The following RUNX2 variants were observed in gnomAD, a reference collection of about 807,000 sequenced individuals.
RUNX2 encodes runt-related transcription factor 2.
In RUNX2, 10 loss-of-function variants were observed where a neutral mutation model predicts 51.7. The ratio of observed to expected loss-of-function variants is 0.19; its 90% confidence interval spans 0.12 to 0.33. RUNX2 has a LOEUF of 0.33. Ranked by LOEUF, RUNX2 falls within the 10% of genes least tolerant of loss-of-function variation. RUNX2 has a pLI of 1.00. For synonymous variants in RUNX2, 276 were observed against 273.6 expected, an observed-to-expected ratio of 1.01 and a Z score of -0.09; for missense variants, 562 against 691.3, an observed-to-expected ratio of 0.81 and a Z score of 2.10.
intron 7 of RUNX2, among the ~76,000 whole-genome samples, chr6:45,520,128 G>T (rs899582049): frequency 6.6e-6 from 1 of 151,862 alleles, no homozygotes; most frequent in African/African-American, 2.4e-5. Flanking sequence ...CACTGCACCC[G>T]ACCGGATGCT....
At chr6:45,470,521 A>G (rs1799766554) in intron 5 of RUNX2, among the ~76,000 whole-genome samples, 1 of 152,212 alleles carries the variant, frequency 6.6e-6, no homozygotes, top group African/African-American at 2.4e-5. Context: ...GTGTATGATA[A>G]ATGTCACATG....
intron 2 of RUNX2, among the ~76,000 whole-genome samples, chr6:45,413,261 T>A (rs904931401): frequency 3.3e-5 from 5 of 152,086 alleles, no homozygotes; most frequent in African/African-American, 1.2e-4. Context: ...TCTACTTCTT[T>A]AAAATTACAT....
intron 3 of RUNX2, among the ~76,000 whole-genome samples, chr6:45,424,609 C>A (rs1345452424): frequency 1.3e-5 from 2 of 152,108 alleles, no homozygotes; most frequent in Middle Eastern, 3.2e-3. Context: ...CAAACTCCCA[C>A]GGGCCACTGA....
At chr6:45,542,519 A>G (rs1191308710) in intron 7 of RUNX2, among the ~76,000 whole-genome samples, 1 of 152,172 alleles carries the variant, frequency 6.6e-6, no homozygotes, top group Non-Finnish European at 1.5e-5. Flanking sequence ...TCCTAAGGGG[A>G]TCATACCCTT....
intron 7 of RUNX2, 94 bp downstream of exon 7, chr6:45,512,501 T>A: frequency 3.7e-6 from 5 of 1,368,330 alleles, no homozygotes; most frequent in Non-Finnish European, 5.1e-6. Context: ...TCACAGTGAC[T>A]CTCTATTAGA....
rs1786852344 is a variant in RUNX2 at position 45,328,707 on chromosome 6, TG to T, written c.-19del. Reference sequence around the variant, plus strand: ...TACAACAGAGGGTACAAGTTCTATCTGAAAAAAAAAGGAGGGACTATGGCAT... The same window carrying T: ...TACAACAGAGGGTACAAGTTCTATCTAAAAAAAAAGGAGGGACTATGGCAT... On this transcript the variant is annotated 5_prime_UTR_variant, in exon 2 of 9. Coordinates refer to ENST00000647337, the MANE Select transcript of RUNX2 (RefSeq NM_001024630.4). 3 of 1,611,662 alleles carry T rather than the reference TG, an allele frequency of 1.9e-6. No homozygotes were observed. The highest frequency in any genetic ancestry group is 2.7e-5 in the African/African-American group (2 of 74,854).
Position 45,328,424 on chromosome 6 carries a change from C to A in RUNX2, c.-103C>A. On this transcript the variant is annotated 5_prime_UTR_variant, in exon 1 of 9. Transcript: ENST00000647337. ...CTCTGGTTTTTAAATGGTTAATCTC[C>A]GCAGGTCACTACCAGCCACCGAGAC... 7.0e-7 allele frequency: 1 copy of A among 1,429,904 alleles called. No homozygotes were observed. Among genetic ancestry groups the A allele is most frequent in the East Asian group, 3.6e-5 (1 of 27,754 alleles). The allele number at this position is 1,429,904 out of a possible 1,614,324, so 88.6% of individuals were successfully genotyped here.
At chr6:45,479,920 G>A (rs1392086317) in intron 5 of RUNX2, among the ~76,000 whole-genome samples, 1 of 152,052 alleles carries the variant, frequency 6.6e-6, no homozygotes, top group Non-Finnish European at 1.5e-5. Flanking sequence ...TTTATATAAC[G>A]ATAACTTGAT....
chr6:45,388,410 G>T (rs1294846124), intron 2 of RUNX2, among the ~76,000 whole-genome samples: 1 of 152,206 alleles, frequency 6.6e-6, no homozygotes, highest in African/African-American at 2.4e-5. Context: ...AGAGCATACA[G>T]CAGTGGCTTT....
intron 2 of RUNX2, among the ~76,000 whole-genome samples, chr6:45,385,990 A>G (rs975187084): frequency 2.0e-5 from 3 of 151,670 alleles, no homozygotes; most frequent in Admixed American, 1.3e-4. Flanking sequence ...TTTTAATATT[A>G]AGTAGTTTTT....
intron 2 of RUNX2, among the ~76,000 whole-genome samples, chr6:45,420,233 C>G (rs936428823): frequency 1.8e-4 from 27 of 152,160 alleles, no homozygotes; most frequent in Non-Finnish European, 1.5e-5. Context: ...GCCCCCCAAG[C>G]TCATCTTGTA....
rs780694693 is a variant in RUNX2 at position 45,547,348 on chromosome 6, C to T, written c.*43C>T. Reference sequence around the variant, plus strand: ...CCAGTGGTATCTGGGGGCCACATCCCACACGTATCAATATATACATATATA... The same window carrying T: ...CCAGTGGTATCTGGGGGCCACATCCTACACGTATCAATATATACATATATA... On this transcript the variant is annotated 3_prime_UTR_variant, in exon 9 of 9. Transcript: ENST00000647337. 23 of 1,389,406 alleles carry T rather than the reference C, an allele frequency of 1.7e-5. No homozygotes were observed. Among genetic ancestry groups the T allele is most frequent in the African/African-American group, 4.3e-5 (3 of 70,352 alleles). The allele number at this position is 1,389,406 out of a possible 1,614,324, so 86.1% of individuals were successfully genotyped here. A position where few individuals can be genotyped will look rare whatever the true frequency, so the allele number is the denominator to read the frequency against.
intron 2 of RUNX2, among the ~76,000 whole-genome samples, chr6:45,342,047 G>T (rs534563050): frequency 6.7e-6 from 1 of 150,006 alleles, no homozygotes; most frequent in Non-Finnish European, 1.5e-5. Context: ...AAGTTGAAGA[G>T]ATATTACAAA....
At chr6:45,490,618 G>C (rs1420269971) in intron 5 of RUNX2, among the ~76,000 whole-genome samples, 1 of 152,160 alleles carries the variant, frequency 6.6e-6, no homozygotes, top group Non-Finnish European at 1.5e-5. Context: ...CATTCCTCTT[G>C]TTCTGTATTA....
At chr6:45,532,743 G>T (rs1415440246) in intron 7 of RUNX2, among the ~76,000 whole-genome samples, 1 of 152,028 alleles carries the variant, frequency 6.6e-6, no homozygotes, top group Non-Finnish European at 1.5e-5. Flanking sequence ...GACTGTTTTG[G>T]TCCACATCTG....
At chr6:45,391,625 G>A (rs1395792981) in intron 2 of RUNX2, among the ~76,000 whole-genome samples, 1 of 152,228 alleles carries the variant, frequency 6.6e-6, no homozygotes, top group East Asian at 1.9e-4. Context: ...TCACAGTTCA[G>A]CATGGCTGGG....
chr6:45,534,600 G>A (rs973729554), intron 7 of RUNX2, among the ~76,000 whole-genome samples: 1 of 152,126 alleles, frequency 6.6e-6, no homozygotes, highest in African/African-American at 2.4e-5. Context: ...AGCAAGAGAC[G>A]CACCACAGAA....
chr6:45,342,382 C>T (rs1789970446), intron 2 of RUNX2, among the ~76,000 whole-genome samples: 1 of 152,120 alleles, frequency 6.6e-6, no homozygotes, highest in African/African-American at 2.4e-5. Flanking sequence ...CTGCCTCAGC[C>T]TCCCGAGTAG....
In RUNX2 at chr6:45,422,157, A is replaced by G. The variant is rs549138894; in HGVS notation, c.59-436A>G. 2.0e-3 allele frequency: 377 copies of G among 185,264 alleles called. 4 individuals carry two copies. Among genetic ancestry groups the G allele is most frequent in the African/African-American group, 8.7e-3 (363 of 41,556 alleles). 11.5% of individuals were successfully genotyped at this position (185,264 alleles called of 1,614,324 possible). A position where few individuals can be genotyped will look rare whatever the true frequency, so the allele number is the denominator to read the frequency against. On this transcript the variant is annotated intron_variant, in intron 2 of 8. Transcript: ENST00000647337. ...GCCGGCCCCGGGGCTGGACTGCTGA[A>G]CCCACACCGCTTCACCACCGGACTC...
Sources: allele counts gnomAD v4.1 joint callset (sites outside exome capture counted in the v4.1 genomes callset), GRCh38; gene constraint gnomAD v4.1.1; transcripts MANE v1.5; gene names NCBI Gene and HGNC (gene_info 2026-07-23, HGNC 2026-07-21).